Variants in CPSF4L observed in about 807,000 individuals in gnomAD.
CPSF4L encodes putative cleavage and polyadenylation specificity factor subunit 4-like protein.
A neutral mutation model predicts 24.0 loss-of-function variants in CPSF4L; 18 were observed. That is an observed-to-expected ratio of 0.75 (90% CI 0.52 to 1.11). The LOEUF (loss-of-function observed/expected upper bound fraction) is 1.11. Ranked by LOEUF, CPSF4L falls within the 50% of genes least tolerant of loss-of-function variation. The probability of loss-of-function intolerance (pLI) is 0.00; values close to 1 mark genes in which losing one functional copy is unlikely to be tolerated. For missense variants in CPSF4L, 211 were observed against 221.8 expected (o/e 0.95, Z 0.31); for synonymous variants, 72 against 77.2 (o/e 0.93, Z 0.35).
At chr17:73,261,330 C>A (rs975105676) in intron 1 of CPSF4L, among the ~76,000 whole-genome samples, 11 of 152,304 alleles carry the variant, frequency 7.2e-5, no homozygotes, top group African/African-American at 2.6e-4. Flanking sequence ...AAGGGGCGGT[C>A]GCATCAGGGA....
chr17:73,242,345 C>T, the CPSF4L span: 1 of 1,572,800 alleles, frequency 6.4e-7, no homozygotes, highest in African/African-American at 1.4e-5. Context: ...GGGAGCTGTA[C>T]AAAAAGGTGA....
At chr17:73,243,841 T>C (rs947500357), downstream of CPSF4L, among the ~76,000 whole-genome samples, 1 of 152,164 alleles carries the variant, frequency 6.6e-6, no homozygotes, top group East Asian at 1.9e-4. Flanking sequence ...CCTTTGTAGC[T>C]TTTTTCCCTT....
chr17:73,248,371 T>G (rs1299936765), downstream of CPSF4L: 1 of 888,650 alleles, frequency 1.1e-6, no homozygotes, highest in Non-Finnish European at 1.8e-6. Flanking sequence ...TCTAACATGA[T>G]TTACCATTTT....
intron 3 of CPSF4L, among the ~76,000 whole-genome samples, chr17:73,256,430 C>T (rs1244025628): frequency 6.6e-6 from 1 of 152,198 alleles, no homozygotes; most frequent in Admixed American, 6.5e-5. Flanking sequence ...CTCCCATTGG[C>T]ACTAATGAGG....
At chr17:73,251,750 G>C (rs887939192) in intron 5 of CPSF4L, among the ~76,000 whole-genome samples, 10 of 152,230 alleles carry the variant, frequency 6.6e-5, no homozygotes, top group Non-Finnish European at 8.8e-5. Context: ...CAGCAGGCTG[G>C]ACTTGGCCCA....
chr17:73,245,894 A>G (rs1408320767), downstream of CPSF4L: 3 of 216,144 alleles, frequency 1.4e-5, no homozygotes, highest in African/African-American at 7.1e-5. Flanking sequence ...ACCCCTATCT[A>G]TCCCTTTCTC....
chr17:73,260,125 G>T (rs2062039719), intron 2 of CPSF4L, among the ~76,000 whole-genome samples: 1 of 152,146 alleles, frequency 6.6e-6, no homozygotes, highest in South Asian at 2.1e-4. Context: ...TTTCAAAGAT[G>T]GTGGCAGGTG....
chr17:73,260,202 C>G (rs2062039942), intron 2 of CPSF4L, among the ~76,000 whole-genome samples: 1 of 152,078 alleles, frequency 6.6e-6, no homozygotes, highest in African/African-American at 2.4e-5. Flanking sequence ...GAGCAGGGGA[C>G]TGGGGGAGAA....
At chr17:73,247,159 A>G, downstream of CPSF4L, 1 of 1,271,492 alleles carries the variant, frequency 7.9e-7, no homozygotes, top group Non-Finnish European at 1.1e-6. Flanking sequence ...GCTGTTTCAC[A>G]CAACAACAGC....
At chr17:73,242,263 C>T in the CPSF4L span, 2 of 1,594,006 alleles carry the variant, frequency 1.3e-6, 1 homozygote, top group South Asian at 2.3e-5. Context: ...TGGAACGAAG[C>T]TCAACTCATA....
intron 2 of CPSF4L, 35 bp from the exon 3 acceptor site, chr17:73,257,868 T>C (rs1409961142): frequency 1.3e-6 from 2 of 1,548,762 alleles, no homozygotes; most frequent in African/African-American, 1.4e-5. Flanking sequence ...GGGAGGCCCC[T>C]CATCCACAGC....
chr17:73,263,713 C>A (rs2062055207), upstream of CPSF4L, among the ~76,000 whole-genome samples: 1 of 148,656 alleles, frequency 6.7e-6, no homozygotes, highest in African/African-American at 2.5e-5. Context: ...AGAGCCACCA[C>A]AGGGCTCTGA....
At chr17:73,253,398 C>A (rs546572459) in intron 4 of CPSF4L, among the ~76,000 whole-genome samples, 1 of 152,272 alleles carries the variant, frequency 6.6e-6, no homozygotes, top group Admixed American at 6.5e-5. Context: ...CCCTCACCCC[C>A]GCCCAGATCC....
At chr17:73,250,613 G>A (rs2062001244) in intron 5 of CPSF4L, among the ~76,000 whole-genome samples, 1 of 152,036 alleles carries the variant, frequency 6.6e-6, no homozygotes, top group African/African-American at 2.4e-5. Flanking sequence ...ATGAAGATAT[G>A]ATCAAACATG....
intron 2 of CPSF4L, among the ~76,000 whole-genome samples, chr17:73,259,774 C>A (rs1232948468): frequency 6.6e-6 from 1 of 152,230 alleles, no homozygotes; most frequent in Non-Finnish European, 1.5e-5. Flanking sequence ...CCAGGTCCTC[C>A]TTTCCTGGTC....
At chr17:73,245,234 G>C (rs748375253), downstream of CPSF4L, 1 of 1,611,264 alleles carries the variant, frequency 6.2e-7, no homozygotes, top group Non-Finnish European at 8.5e-7. Flanking sequence ...AGCAAAGGGC[G>C]TACAGTGGAG....
intron 5 of CPSF4L, chr17:73,248,860 AAAAT>A (rs1443065293): frequency 3.5e-6 from 1 of 288,244 alleles, no homozygotes; most frequent in African/African-American, 2.2e-5. Flanking sequence ...TGTTAAAAAT[AAAAT>A]CATTTTATTA....
intron 2 of CPSF4L, among the ~76,000 whole-genome samples, chr17:73,258,722 C>G (rs2062033237): frequency 6.6e-6 from 1 of 152,200 alleles, no homozygotes; most frequent in Non-Finnish European, 1.5e-5. Context: ...CAGCTGCCTC[C>G]TTTTCATTCC....
chr17:73,259,346 TC>T, intron 2 of CPSF4L, among the ~76,000 whole-genome samples: 1 of 80,304 alleles, frequency 1.2e-5, no homozygotes. Flanking sequence ...TTTCCATTTT[TC>T]CTTTTTTAAA....
Sources: gnomAD v4.1 joint callset for allele counts (sites outside exome capture counted in the v4.1 genomes callset) on GRCh38, gnomAD v4.1.1 for gene constraint, MANE v1.5 for transcripts, NCBI Gene and HGNC (gene_info 2026-07-23, HGNC 2026-07-21) for gene names.